The following DLGAP1 variants were observed in gnomAD, a reference collection of about 807,000 sequenced individuals.
DLGAP1 encodes DLG associated protein 1, also known as disks large-associated protein 1.
A neutral mutation model predicts 90.8 loss-of-function variants in DLGAP1; 11 were observed. That is an observed-to-expected ratio of 0.12 (90% confidence interval 0.08 to 0.20). The LOEUF (loss-of-function observed/expected upper bound fraction) is 0.20. Ranked by LOEUF, DLGAP1 falls within the 10% of genes least tolerant of loss-of-function variation. DLGAP1 has a pLI of 1.00. For missense variants in DLGAP1, 1,050 were observed against 1,333.8 expected, an observed-to-expected ratio of 0.79 and a Z score of 3.31; for synonymous variants, 558 against 540.7, an observed-to-expected ratio of 1.03 and a Z score of -0.44.
At chr18:4,218,045 G>C (rs954679769) in intron 1 of DLGAP1, among the ~76,000 whole-genome samples, 1 of 151,170 alleles carries the variant, frequency 6.6e-6, no homozygotes, top group Non-Finnish European at 1.5e-5. Context: ...TTACAGTTAT[G>C]CAATTTACAT....
intron 1 of DLGAP1, among the ~76,000 whole-genome samples, chr18:4,200,878 A>G (rs1046420326): frequency 2.0e-5 from 3 of 152,138 alleles, no homozygotes; most frequent in African/African-American, 7.2e-5. Context: ...TTTATCTGAC[A>G]TAAAGGATTT....
At chr18:4,070,901 A>C (rs2143461873) in intron 2 of DLGAP1, among the ~76,000 whole-genome samples, 1 of 152,284 alleles carries the variant, frequency 6.6e-6, no homozygotes, top group East Asian at 1.9e-4. Context: ...ATTATTTCTC[A>C]GATTTTAGTG....
intron 3 of DLGAP1, among the ~76,000 whole-genome samples, chr18:3,965,502 T>A (rs996755320): frequency 1.3e-5 from 2 of 152,190 alleles, no homozygotes; most frequent in Non-Finnish European, 2.9e-5. Flanking sequence ...CAACCCATTA[T>A]CTAGATACTG....
At chr18:3,605,378 T>C (rs2057281713) in intron 7 of DLGAP1, among the ~76,000 whole-genome samples, 1 of 152,250 alleles carries the variant, frequency 6.6e-6, no homozygotes, top group African/African-American at 2.4e-5. Flanking sequence ...ACATTATAAT[T>C]ATCTTCTTGG....
chr18:3,562,011 A>G (rs2054149998), intron 9 of DLGAP1, among the ~76,000 whole-genome samples: 2 of 149,626 alleles, frequency 1.3e-5, no homozygotes, highest in African/African-American at 5.1e-5. Context: ...GGAAGATCAT[A>G]AGGTCAGGAG....
chr18:4,210,916 G>T (rs1240051854), intron 1 of DLGAP1, among the ~76,000 whole-genome samples: 1 of 152,254 alleles, frequency 6.6e-6, no homozygotes, highest in East Asian at 1.9e-4. Context: ...TGTGCAGGTC[G>T]GTGAGCTAGG....
At chr18:4,419,893 A>T (rs281013) in intron 1 of DLGAP1, among the ~76,000 whole-genome samples, 137,153 of 152,126 alleles carry the variant, frequency 0.9, 61,966 homozygotes, top group East Asian at 1. Context: ...CTAACATAGA[A>T]GGCCAAAAAA....
intron 1 of DLGAP1, among the ~76,000 whole-genome samples, chr18:4,222,221 T>C (rs1195400081): frequency 2.0e-5 from 3 of 152,222 alleles, no homozygotes; most frequent in African/African-American, 7.2e-5. Flanking sequence ...GCCTACTTTA[T>C]GTCTCTGCTT....
chr18:3,962,296 ATTAAAT>A (rs1365180038), intron 3 of DLGAP1: 1 of 152,152 alleles, frequency 6.6e-6, no homozygotes, highest in Non-Finnish European at 1.5e-5. Context: ...GTTTCTTCAC[ATTAAAT>A]TTGAGTTTGA....
chr18:4,279,034 G>C (rs764586602), intron 1 of DLGAP1, among the ~76,000 whole-genome samples: 1 of 152,228 alleles, frequency 6.6e-6, no homozygotes, highest in Non-Finnish European at 1.5e-5. Flanking sequence ...TTCTGGCTGA[G>C]AGAAGCAAAA....
chr18:3,927,065 CTAAA>C (rs1385260314), intron 3 of DLGAP1, among the ~76,000 whole-genome samples: 2 of 152,112 alleles, frequency 1.3e-5, no homozygotes, highest in Non-Finnish European at 2.9e-5. Flanking sequence ...ACAGCCCATA[CTAAA>C]TAAATAAATG....
intron 1 of DLGAP1, among the ~76,000 whole-genome samples, chr18:4,453,805 T>C (rs937659068): frequency 1.2e-4 from 19 of 152,164 alleles, no homozygotes; most frequent in Non-Finnish European, 2.6e-4. Flanking sequence ...AGCATTCACC[T>C]CCCACGACCG....
intron 7 of DLGAP1, among the ~76,000 whole-genome samples, chr18:3,635,449 A>AT (rs923114321): frequency 9.3e-5 from 14 of 150,518 alleles, no homozygotes; most frequent in Non-Finnish European, 1.3e-4. Context: ...TGTCTGTCCC[A>AT]TTTTTTTGTC....
intron 1 of DLGAP1, among the ~76,000 whole-genome samples, chr18:4,210,825 G>A (rs1392973742): frequency 6.6e-6 from 1 of 152,160 alleles, no homozygotes; most frequent in African/African-American, 2.4e-5. Flanking sequence ...CAATACTGAT[G>A]TGTAAAGAGA....
intron 4 of DLGAP1, among the ~76,000 whole-genome samples, chr18:3,862,182 G>A (rs1273700642): frequency 2.0e-5 from 3 of 152,200 alleles, no homozygotes; most frequent in African/African-American, 7.2e-5. Context: ...GGGGTAGACA[G>A]GAGTCTTTTG....
At chr18:3,744,473 C>A (rs984632632) in intron 5 of DLGAP1, among the ~76,000 whole-genome samples, 6 of 152,254 alleles carry the variant, frequency 3.9e-5, no homozygotes, top group Non-Finnish European at 7.4e-5. Context: ...AAAACCCCCA[C>A]AACAATTTTC....
chr18:3,527,596 T>A lies in DLGAP1; in HGVS notation c.2479+6598A>T, dbSNP rs1419187652. Among the ~76,000 whole-genome samples, 4 of 151,866 alleles carry A rather than the reference T, an allele frequency of 2.6e-5. No homozygotes were observed. In the South Asian group the frequency reaches 6.2e-4, roughly 24 times the overall value. ...TTTTGTTTTGTTTTGTGTTTGTTGT[T>A]TTTTGTTTGTTTGAGACAGAGTCTC... On this transcript the variant is annotated intron_variant, in intron 10 of 12. Transcript: ENST00000315677.
In DLGAP1 at chr18:4,190,527, A is replaced by G. The variant is rs372479787; in HGVS notation, c.-266-39240T>C. 5.3e-5 allele frequency among the ~76,000 whole-genome samples: 8 copies of G among 152,284 alleles called. 1 individual carries two copies. The highest frequency in any genetic ancestry group is 1.9e-4 in the African/African-American group (8 of 41,568). ...GAACTCTAATGTAACTATGAACTTTAGTGAATATTTATGTATTAATATTAG... is the reference window on the plus strand; with the variant it reads ...GAACTCTAATGTAACTATGAACTTTGGTGAATATTTATGTATTAATATTAG... On this transcript the variant is annotated intron_variant, in intron 1 of 12. Coordinates refer to ENST00000315677, the MANE Select transcript of DLGAP1 (RefSeq NM_004746.4).
intron 10 of DLGAP1, among the ~76,000 whole-genome samples, chr18:3,512,129 T>C (rs1388820708): frequency 6.6e-6 from 1 of 152,136 alleles, no homozygotes; most frequent in African/African-American, 2.4e-5. Context: ...CCCATCTCCC[T>C]TAGGGCACAT....
Sources: gnomAD v4.1 joint callset for allele counts (sites outside exome capture counted in the v4.1 genomes callset) on GRCh38, gnomAD v4.1.1 for gene constraint, MANE v1.5 for transcripts, NCBI Gene and HGNC (gene_info 2026-07-23, HGNC 2026-07-21) for gene names.